Variants in PPP2R2B observed in about 807,000 individuals in gnomAD.
PPP2R2B encodes the protein protein phosphatase 2 regulatory subunit Bbeta, also known as serine/threonine-protein phosphatase 2A 55 kDa regulatory subunit B beta isoform.
In PPP2R2B, 5 loss-of-function variants were observed where a neutral mutation model predicts 46.0. That is an observed-to-expected ratio of 0.11 (90% CI 0.06 to 0.23). The LOEUF (loss-of-function observed/expected upper bound fraction) is 0.23, where lower values mean the gene tolerates loss of function less well. PPP2R2B is among the 10% of genes least tolerant of loss of function. The pLI, the probability that PPP2R2B is intolerant of heterozygous loss-of-function variation, is 1.00. For missense variants in PPP2R2B, 367 were observed against 575.0 expected, an observed-to-expected ratio of 0.64 and a Z score of 3.70; for synonymous variants, 215 against 206.7, an observed-to-expected ratio of 1.04 and a Z score of -0.34.
chr5:146,657,162 T>TA (rs1776385511), intron 5 of PPP2R2B, among the ~76,000 whole-genome samples: 1 of 152,002 alleles, frequency 6.6e-6, no homozygotes, highest in Admixed American at 6.6e-5. Context: ...GCCTCCACTT[T>TA]AAAAAACATA....
chr5:146,931,582 A>G (rs143621361), intron 1 of PPP2R2B, among the ~76,000 whole-genome samples: 2,700 of 152,256 alleles, frequency 0.018, 46 homozygotes, highest in Middle Eastern at 0.058. Context: ...GCATTTCATT[A>G]TTCCTAGCAA....
In PPP2R2B at chr5:146,590,061, G is replaced by A. The variant is rs141962233; in HGVS notation, c.1218C>T (p.Val406=). Residue 406 remains valine (V), a synonymous_variant, in exon 10 of 10, where the codon GTC becomes GTT. Transcript: ENST00000394411. ...GGKRRKDEIS[V]DSLDFSKKIL... ...TCTTTTTGCTAAAGTCCAGACTGTCGACACTGATCTCGTCTTTTCTCCGCT... is the reference window on the plus strand; with the variant it reads ...TCTTTTTGCTAAAGTCCAGACTGTCAACACTGATCTCGTCTTTTCTCCGCT... 1.1e-3 allele frequency: 1,855 copies of A among 1,614,020 alleles called. 1 individual carries two copies. Among genetic ancestry groups the A allele is most frequent in the Non-Finnish European group, 1.5e-3 (1,753 of 1,180,022 alleles).
chr5:146,597,161 C>T (rs1242911147), intron 8 of PPP2R2B, among the ~76,000 whole-genome samples: 1 of 152,200 alleles, frequency 6.6e-6, no homozygotes, highest in Non-Finnish European at 1.5e-5. Flanking sequence ...CCCTAATCCT[C>T]ATCCCTTGAA....
At chr5:146,755,138 G>A (rs1753765574) in intron 2 of PPP2R2B, among the ~76,000 whole-genome samples, 1 of 152,196 alleles carries the variant, frequency 6.6e-6, no homozygotes, top group Admixed American at 6.5e-5. Context: ...CCATAGTGAT[G>A]AAGGGGTTAC....
intron 1 of PPP2R2B, among the ~76,000 whole-genome samples, chr5:146,920,995 C>A (rs1763584913): frequency 6.6e-6 from 1 of 152,198 alleles, no homozygotes; most frequent in Non-Finnish European, 1.5e-5. Context: ...TCTGCCTGGG[C>A]AGACCAAATT....
At chr5:146,948,592 A>G (rs1764558463) in intron 1 of PPP2R2B, among the ~76,000 whole-genome samples, 1 of 152,234 alleles carries the variant, frequency 6.6e-6, no homozygotes, top group East Asian at 1.9e-4. Flanking sequence ...GAAAAAAAGA[A>G]ATAACTTAAT....
At chr5:146,613,744 T>C (rs1031908307) in intron 7 of PPP2R2B, among the ~76,000 whole-genome samples, 2 of 137,956 alleles carry the variant, frequency 1.4e-5, no homozygotes, top group Non-Finnish European at 3.0e-5. Context: ...TGAACTCCCA[T>C]TCACAATTGC....
At chr5:146,994,553 T>C (rs1753841933) in intron 1 of PPP2R2B, among the ~76,000 whole-genome samples, 1 of 152,126 alleles carries the variant, frequency 6.6e-6, no homozygotes, top group South Asian at 2.1e-4. Context: ...CTGTAGACCA[T>C]ATAACTCAGC....
At chr5:146,720,584 G>A (rs1005144940) in intron 2 of PPP2R2B, among the ~76,000 whole-genome samples, 9 of 152,102 alleles carry the variant, frequency 5.9e-5, no homozygotes, top group African/African-American at 2.2e-4. Flanking sequence ...CCTCATCTTG[G>A]GGATTTATCT....
At chr5:146,992,581 A>G (rs1753741212) in intron 1 of PPP2R2B, among the ~76,000 whole-genome samples, 1 of 152,162 alleles carries the variant, frequency 6.6e-6, no homozygotes. Context: ...CCTAATAGGG[A>G]GGACAAGGGG....
chr5:146,819,623 CTA>C (rs1173935262), intron 2 of PPP2R2B, among the ~76,000 whole-genome samples: 9 of 152,202 alleles, frequency 5.9e-5, no homozygotes, highest in African/African-American at 2.2e-4. Context: ...ATTTAGCTTT[CTA>C]TGTTTTTTTG....
intron 2 of PPP2R2B, among the ~76,000 whole-genome samples, chr5:146,844,792 C>T (rs928401564): frequency 6.6e-6 from 1 of 152,140 alleles, no homozygotes; most frequent in East Asian, 1.9e-4. Flanking sequence ...CTTTCACTAC[C>T]TTATTCTATC....
At chr5:146,727,020 A>G (rs1164527149) in intron 2 of PPP2R2B, among the ~76,000 whole-genome samples, 2 of 152,188 alleles carry the variant, frequency 1.3e-5, no homozygotes, top group African/African-American at 4.8e-5. Context: ...GTTTCATCCT[A>G]TAGAAGAGAG....
At chr5:146,797,630 T>A (rs1412414939) in intron 2 of PPP2R2B, among the ~76,000 whole-genome samples, 2 of 152,258 alleles carry the variant, frequency 1.3e-5, no homozygotes, top group Non-Finnish European at 2.9e-5. Context: ...CATCTCCGAC[T>A]ACCAGCAGCT....
chr5:147,027,346 A>G (rs1755572032), intron 1 of PPP2R2B, among the ~76,000 whole-genome samples: 1 of 152,194 alleles, frequency 6.6e-6, no homozygotes, highest in Non-Finnish European at 1.5e-5. Context: ...TCAATTAAAA[A>G]TTAGTGGGCC....
At chr5:146,774,512 A>G (rs1755055438) in intron 2 of PPP2R2B, among the ~76,000 whole-genome samples, 1 of 152,048 alleles carries the variant, frequency 6.6e-6, no homozygotes, top group Non-Finnish European at 1.5e-5. Flanking sequence ...GAAAAAAAAA[A>G]TGGATGTAAG....
intron 1 of PPP2R2B, among the ~76,000 whole-genome samples, chr5:146,927,587 T>TA (rs781314477): frequency 1.4e-4 from 22 of 152,266 alleles, no homozygotes; most frequent in Non-Finnish European, 2.6e-4. Flanking sequence ...TGCATGCTGT[T>TA]ACACCTGTCA....
chr5:146,998,905 G>A lies in PPP2R2B; in HGVS notation c.79+56760C>T, dbSNP rs567773778. On this transcript the variant is annotated intron_variant, in intron 1 of 8. Transcript: ENST00000336640. ...CAAGAAGCAAAAGGCCTTTTCAAAG[G>A]TAACAGGAGTAGAAAGTGTCAGAGC... 6.0e-5 allele frequency among the ~76,000 whole-genome samples: 9 copies of A among 150,184 alleles called. No homozygotes were observed. In the South Asian group the frequency reaches 1.5e-3, roughly 25 times the overall value.
At chr5:146,772,546 T>C (rs892451718) in intron 2 of PPP2R2B, among the ~76,000 whole-genome samples, 7 of 152,024 alleles carry the variant, frequency 4.6e-5, no homozygotes, top group African/African-American at 1.7e-4. Context: ...TCTTTGTCTA[T>C]ATTCTTCTGT....
Sources: gnomAD v4.1 joint callset for allele counts (sites outside exome capture counted in the v4.1 genomes callset) on GRCh38, gnomAD v4.1.1 for gene constraint, MANE v1.5 for transcripts, NCBI Gene and HGNC (gene_info 2026-07-23, HGNC 2026-07-21) for gene names.